UBAP2: variants seen among roughly 807,000 people sequenced by gnomAD.
UBAP2 encodes ubiquitin associated protein 2.
UBAP2 carries 75 observed loss-of-function variants against 139.6 expected under a neutral mutation model. That is an observed-to-expected ratio of 0.54 (90% CI 0.45 to 0.65). UBAP2 has a LOEUF of 0.65. UBAP2 is among the 30% of genes least tolerant of loss of function. The pLI, the probability that UBAP2 is intolerant of heterozygous loss-of-function variation, is 0.00. For synonymous variants in UBAP2, 526 were observed against 526.2 expected, an observed-to-expected ratio of 1.00 and a Z score of 0.01; for missense variants, 1,368 against 1,369.6, an observed-to-expected ratio of 1.00 and a Z score of 0.02.
intron 6 of UBAP2, among the ~76,000 whole-genome samples, chr9:33,973,791 C>A (rs1329883720): frequency 6.6e-6 from 1 of 152,142 alleles, no homozygotes; most frequent in African/African-American, 2.4e-5. Context: ...CTATAAAACT[C>A]TCAGAGAAAA....
At position 33,941,814 on chromosome 9, in the gene UBAP2, G is replaced by A; in HGVS notation, c.1764C>T (p.Ser588=). 5.6e-6 allele frequency: 9 copies of A among 1,613,968 alleles called. No homozygotes were observed. Among genetic ancestry groups the A allele is most frequent in the Non-Finnish European group, 6.8e-6 (8 of 1,180,000 alleles). ...AGGTAATGACGGAAGTTGTATATGT[G>A]GAGTTCTGTACTGCACTGGTCATTG... The part of the protein sequence containing the change: ...SLSMTSAVQN[S]TYTTSVITSC... The change falls in exon 16 of 29, where the codon TCC becomes TCT. Residue 588 remains serine (S), a synonymous_variant. Transcript: ENST00000379238.
At chr9:33,977,804 A>G (rs988668913) in intron 6 of UBAP2, among the ~76,000 whole-genome samples, 4 of 151,672 alleles carry the variant, frequency 2.6e-5, no homozygotes, top group Non-Finnish European at 5.9e-5. Context: ...CTGGGATTAC[A>G]GGTGTGCATC....
At position 33,922,535 on chromosome 9, in the gene UBAP2, G is replaced by A; in HGVS notation, c.3329C>T (p.Ala1110Val). 6.2e-7 allele frequency: 1 copy of A among 1,614,032 alleles called. No individual in the cohort carries two copies. Among genetic ancestry groups the A allele is most frequent in the South Asian group, 1.1e-5 (1 of 91,068 alleles). Residue 1110 changes from alanine (A) to valine (V), a missense_variant, in exon 29 of 29, where the codon GCC (alanine) becomes GTC (valine). Coordinates refer to ENST00000379238, the MANE Select transcript of UBAP2 (RefSeq NM_001370062.2). ...TGTCCAGTATGGAGAGTTGCCGTAG[G>A]CAGGTTTGGAGGCTTGAGACTTGGG... Reference protein sequence around the residue: ...LQPKSQASKPAYGNSPYWTN With the variant: ...LQPKSQASKPVYGNSPYWTN
In UBAP2 at chr9:34,017,130, T is replaced by C; in HGVS notation, c.19A>G (p.Ser7Gly). Residue 7 changes from serine to glycine, a missense_variant, in exon 2 of 29, where the codon AGT becomes GGT. Coordinates refer to ENST00000379238, the MANE Select transcript of UBAP2 (RefSeq NM_001370062.2). ...TCCCGAGCACCTCGACAATGGTCAC[T>C]GCTCACTGAAGTCATCATATACAGT... is the stretch of plus-strand genomic sequence containing the variant. MMTSVS[S>G]DHCRGAREKP... The C allele has an allele frequency of 6.2e-7, 1 of 1,609,020 alleles. No homozygotes were observed. The highest frequency in any genetic ancestry group is 1.3e-5 in the African/African-American group (1 of 74,738).
intron 1 of UBAP2, among the ~76,000 whole-genome samples, chr9:34,017,908 C>T (rs983193902): frequency 1.3e-5 from 2 of 149,028 alleles, no homozygotes; most frequent in Non-Finnish European, 3.0e-5. Flanking sequence ...GCCTTGGCGA[C>T]AGAGCGAGAC....
At chr9:33,946,792 A>G (rs1825687760) in intron 13 of UBAP2, among the ~76,000 whole-genome samples, 1 of 152,224 alleles carries the variant, frequency 6.6e-6, no homozygotes, top group Admixed American at 6.5e-5. Context: ...CCAAACACAC[A>G]GGTTTTATAA....
chr9:33,948,352 C>A (rs891063368), intron 13 of UBAP2, 22 bp downstream of exon 13: 12 of 1,573,662 alleles, frequency 7.6e-6, no homozygotes, highest in Non-Finnish European at 9.5e-6. Flanking sequence ...TAGGGGCAAA[C>A]CCACAAACAA....
chr9:33,988,931 G>A (rs778354705), intron 5 of UBAP2, 42 bp downstream of exon 5: 1 of 1,580,818 alleles, frequency 6.3e-7, no homozygotes, highest in East Asian at 2.3e-5. Context: ...GGTCACTTGA[G>A]ATGAAAGAAG....
Position 34,014,495 on chromosome 9 carries a change from G to T in UBAP2, c.99+2555C>A, listed in dbSNP as rs190143647. Among the ~76,000 whole-genome samples, 55 of 152,016 alleles carry T rather than the reference G, an allele frequency of 3.6e-4. 1 individual carries two copies. The highest frequency in any genetic ancestry group is 1.4e-3 in the Admixed American group (22 of 15,222). On this transcript the variant is annotated intron_variant, in intron 2 of 28. Coordinates refer to ENST00000379238, the MANE Select transcript of UBAP2 (RefSeq NM_001370062.2). ...AATACAAAAATTAACTGGAGGTGGA[G>T]GCAGGCACCTGTAATCCCAGCTACT...
intron 16 of UBAP2, 70 bp downstream of exon 16, chr9:33,941,579 T>C: frequency 7.7e-7 from 1 of 1,295,470 alleles, no homozygotes; most frequent in Non-Finnish European, 1.1e-6. Flanking sequence ...CCAAGAAGCA[T>C]AATTTAACCA....
intron 15 of UBAP2, among the ~76,000 whole-genome samples, chr9:33,942,161 A>C (rs1435023856): frequency 2.0e-5 from 3 of 151,968 alleles, no homozygotes; most frequent in African/African-American, 7.3e-5. Context: ...AAAATACAAA[A>C]ATTAGCAGGG....
chr9:33,998,758 AATG>A (rs774655513), intron 3 of UBAP2, 26 bp downstream of exon 3: 20 of 1,580,464 alleles, frequency 1.3e-5, no homozygotes, highest in East Asian at 1.1e-4. Flanking sequence ...AGATTATAAA[AATG>A]ATGATATCCT....
At chr9:34,010,366 G>A (rs1372942423) in intron 2 of UBAP2, among the ~76,000 whole-genome samples, 1 of 147,564 alleles carries the variant, frequency 6.8e-6, no homozygotes, top group East Asian at 2.0e-4. Context: ...GGAGGTTGCA[G>A]TGAGCCCAGA....
chr9:33,929,270 C>T (rs1823753769), intron 19 of UBAP2, among the ~76,000 whole-genome samples: 1 of 152,222 alleles, frequency 6.6e-6, no homozygotes, highest in South Asian at 2.1e-4. Context: ...GAGATGCTCA[C>T]TAGGGAACTA....
At chr9:33,993,109 CA>C (rs1272635332) in intron 4 of UBAP2, among the ~76,000 whole-genome samples, 2 of 152,194 alleles carry the variant, frequency 1.3e-5, no homozygotes, top group Non-Finnish European at 2.9e-5. Context: ...TACTTATGTT[CA>C]ATATCTTCCT....
chr9:34,035,674 G>C (rs1826301743), intron 1 of UBAP2, among the ~76,000 whole-genome samples: 1 of 150,554 alleles, frequency 6.6e-6, no homozygotes, highest in African/African-American at 2.4e-5. Flanking sequence ...TATAAAGCGA[G>C]ACTCCATCTC....
chr9:34,002,656 G>A (rs1369279053), intron 2 of UBAP2, among the ~76,000 whole-genome samples: 1 of 151,800 alleles, frequency 6.6e-6, no homozygotes, highest in Non-Finnish European at 1.5e-5. Flanking sequence ...GATTACAGGT[G>A]TGAGCCACCC....
At chr9:34,003,533 G>A (rs1822912084) in intron 2 of UBAP2, among the ~76,000 whole-genome samples, 1 of 151,620 alleles carries the variant, frequency 6.6e-6, no homozygotes. Flanking sequence ...AGCCTCCCCA[G>A]TAGCTGAGAT....
chr9:34,015,254 A>C (rs969268740), intron 2 of UBAP2, among the ~76,000 whole-genome samples: 2 of 152,176 alleles, frequency 1.3e-5, no homozygotes, highest in East Asian at 1.9e-4. Flanking sequence ...ATCTCACTTC[A>C]CTTAAAATAA....
Sources: allele counts gnomAD v4.1 joint callset (sites outside exome capture counted in the v4.1 genomes callset), GRCh38; gene constraint gnomAD v4.1.1; transcripts MANE v1.5; gene names NCBI Gene and HGNC (gene_info 2026-07-23, HGNC 2026-07-21).